Variants in TSC22D1 observed in about 807,000 individuals in gnomAD.
The protein encoded by TSC22D1 is TSC22 domain family member 1.
Under a neutral mutation model 74.2 loss-of-function variants are expected in TSC22D1, and 9 were observed. That is an observed-to-expected ratio of 0.12 (90% CI 0.07 to 0.21). The LOEUF (loss-of-function observed/expected upper bound fraction) is 0.21, where lower values mean the gene tolerates loss of function less well. Ranked by LOEUF, TSC22D1 falls within the 10% of genes least tolerant of loss-of-function variation. The pLI, the probability that TSC22D1 is intolerant of heterozygous loss-of-function variation, is 1.00. For missense variants in TSC22D1, 1,427 were observed against 1,304.7 expected, an observed-to-expected ratio of 1.09 and a Z score of -1.44; for synonymous variants, 586 against 492.5, an observed-to-expected ratio of 1.19 and a Z score of -2.51.
chr13:44,532,511 T>G (rs1021362040), intron 1 of TSC22D1, among the ~76,000 whole-genome samples: 29 of 152,128 alleles, frequency 1.9e-4, no homozygotes, highest in African/African-American at 7.0e-4. Flanking sequence ...TCTTGCTCTG[T>G]CGCCCAGGCT....
chr13:44,498,382 G>T (rs1879070316), intron 1 of TSC22D1, among the ~76,000 whole-genome samples: 1 of 152,098 alleles, frequency 6.6e-6, no homozygotes, highest in African/African-American at 2.4e-5. Context: ...TTCTGCCTGG[G>T]ATACTCTTTC....
intron 1 of TSC22D1, among the ~76,000 whole-genome samples, chr13:44,455,766 A>G (rs1053496706): frequency 2.0e-5 from 3 of 152,238 alleles, no homozygotes; most frequent in Non-Finnish European, 2.9e-5. Flanking sequence ...CTGACTAAGC[A>G]TGGTGCACCG....
At chr13:44,456,111 T>C (rs922411255) in intron 1 of TSC22D1, among the ~76,000 whole-genome samples, 2 of 152,172 alleles carry the variant, frequency 1.3e-5, no homozygotes, top group Non-Finnish European at 2.9e-5. Context: ...CTCGCTGACT[T>C]AAAGAATAAA....
Position 44,433,169 on chromosome 13 carries a change from CCT to C in TSC22D1, c.*1455_*1456del, listed in dbSNP as rs1311275070. 6 of 152,100 alleles carry C rather than the reference CCT, an allele frequency of 3.9e-5. No individual in the cohort carries two copies. The highest frequency in any genetic ancestry group is 4.1e-4 in the South Asian group (2 of 4,826). 9.4% of individuals were successfully genotyped at this position (152,100 alleles called of 1,614,324 possible). A position where few individuals can be genotyped will look rare whatever the true frequency, so the allele number is the denominator to read the frequency against. ...TATACACAGAATAAGGCTCCTTCTT[CCT>C]CTCAGTTCAGTAAAAAATTAAGATT... On this transcript the variant is annotated 3_prime_UTR_variant, in exon 3 of 3. Transcript: ENST00000458659.
chr13:44,524,119 A>C lies in TSC22D1; in HGVS notation c.2912+49044T>G, dbSNP rs570279769. Among the ~76,000 whole-genome samples, 4 of 152,306 alleles carry C rather than the reference A, an allele frequency of 2.6e-5. No individual in the cohort carries two copies. In the South Asian group the frequency reaches 8.3e-4, roughly 32 times the overall value. On this transcript the variant is annotated intron_variant, in intron 1 of 2. Coordinates refer to ENST00000458659, the MANE Select transcript of TSC22D1 (RefSeq NM_183422.4). ...AATAGAGATTAAATGAATCAAATTAAATAACTGTAATGGTTTAAAAAGCTC... is the reference window on the plus strand; with the variant it reads ...AATAGAGATTAAATGAATCAAATTACATAACTGTAATGGTTTAAAAAGCTC...
At chr13:44,510,215 C>A (rs1268248369) in intron 1 of TSC22D1, among the ~76,000 whole-genome samples, 3 of 148,324 alleles carry the variant, frequency 2.0e-5, no homozygotes, top group African/African-American at 5.0e-5. Context: ...GAAACCCTGT[C>A]TACTAAAAAA....
chr13:44,433,447 A>G lies in TSC22D1; in HGVS notation c.*1179T>C. 1 of 152,482 alleles carries G rather than the reference A, an allele frequency of 6.6e-6. No homozygotes were observed. The highest frequency in any genetic ancestry group is 1.5e-5 in the Non-Finnish European group (1 of 68,130). 9.4% of individuals were successfully genotyped at this position (152,482 alleles called of 1,614,324 possible). ...CTGCCCTTCAGGATTTTACTAGTCA[A>G]ATTGTTAACTTTACCTGGAAACAGT... is the stretch of plus-strand genomic sequence containing the variant. On this transcript the variant is annotated 3_prime_UTR_variant, in exon 3 of 3. Coordinates refer to ENST00000458659, the MANE Select transcript of TSC22D1 (RefSeq NM_183422.4).
chr13:44,448,950 A>G (rs73188722), intron 1 of TSC22D1, among the ~76,000 whole-genome samples: 1,874 of 152,186 alleles, frequency 0.012, 17 homozygotes, highest in South Asian at 0.035. Flanking sequence ...AAGGGACCAT[A>G]AAGTGAAATG....
intron 1 of TSC22D1, among the ~76,000 whole-genome samples, chr13:44,500,501 T>C (rs1348412033): frequency 3.3e-5 from 5 of 152,192 alleles, no homozygotes; most frequent in African/African-American, 1.2e-4. Context: ...GCCATCACAA[T>C]TTATCTCACT....
chr13:44,465,571 G>C (rs780008048), intron 1 of TSC22D1, among the ~76,000 whole-genome samples: 1 of 152,224 alleles, frequency 6.6e-6, no homozygotes, highest in South Asian at 2.1e-4. Flanking sequence ...CAAACCACTA[G>C]ACCAGAGGGG....
chr13:44,526,530 T>C (rs1182630004), intron 1 of TSC22D1, among the ~76,000 whole-genome samples: 1 of 148,962 alleles, frequency 6.7e-6, no homozygotes, highest in African/African-American at 2.5e-5. Flanking sequence ...TTTAAAAAGG[T>C]AAAATGTATG....
intron 1 of TSC22D1, chr13:44,538,468 A>C: frequency 2.0e-6 from 2 of 985,412 alleles, no homozygotes; most frequent in Non-Finnish European, 2.4e-6. Context: ...CTACTACTTA[A>C]AAAAATGTTT....
chr13:44,469,748 A>G (rs11147952), intron 1 of TSC22D1, among the ~76,000 whole-genome samples: 30,549 of 152,136 alleles, frequency 0.2, 3,647 homozygotes, highest in East Asian at 0.3. Flanking sequence ...AAATTTATCT[A>G]TCTATTTAAG....
At chr13:44,454,871 G>A (rs1223924545) in intron 1 of TSC22D1, among the ~76,000 whole-genome samples, 1 of 152,132 alleles carries the variant, frequency 6.6e-6, no homozygotes, top group Non-Finnish European at 1.5e-5. Context: ...ATGCTGTCAT[G>A]TTTTAGTAAT....
intron 1 of TSC22D1, among the ~76,000 whole-genome samples, chr13:44,565,663 A>C (rs974357541): frequency 1.3e-5 from 2 of 152,172 alleles, no homozygotes; most frequent in African/African-American, 4.8e-5. Flanking sequence ...CCAAAGTTCT[A>C]ATACTGCAGC....
intron 1 of TSC22D1, chr13:44,539,691 AC>A: frequency 8.5e-7 from 1 of 1,182,282 alleles, no homozygotes. Context: ...CAAGGAGTTT[AC>A]CACAGAATTA....
intron 1 of TSC22D1, among the ~76,000 whole-genome samples, chr13:44,465,927 T>G (rs1877256231): frequency 6.6e-6 from 1 of 152,102 alleles, no homozygotes; most frequent in Non-Finnish European, 1.5e-5. Flanking sequence ...GAGCTGAGAT[T>G]GTGCCATTGC....
At chr13:44,569,019 A>G (rs1001579641) in intron 1 of TSC22D1, among the ~76,000 whole-genome samples, 1 of 152,218 alleles carries the variant, frequency 6.6e-6, no homozygotes, top group Non-Finnish European at 1.5e-5. Flanking sequence ...ACAAAATTAA[A>G]TCTTCATTTT....
intron 1 of TSC22D1, among the ~76,000 whole-genome samples, chr13:44,450,302 G>C (rs576582473): frequency 6.6e-6 from 1 of 152,312 alleles, no homozygotes; most frequent in Admixed American, 6.5e-5. Flanking sequence ...GGAGTGAAGA[G>C]AAAGGCAGTA....
Sources: allele counts gnomAD v4.1 joint callset (sites outside exome capture counted in the v4.1 genomes callset), GRCh38; gene constraint gnomAD v4.1.1; transcripts MANE v1.5; gene names NCBI Gene and HGNC (gene_info 2026-07-23, HGNC 2026-07-21).